Variants in SLAMF7 observed in about 807,000 individuals in gnomAD.
SLAMF7 encodes SLAM family member 7.
Under a neutral mutation model 34.1 loss-of-function variants are expected in SLAMF7, and 26 were observed. That is an observed-to-expected ratio of 0.76 (90% CI 0.56 to 1.06). SLAMF7 has a LOEUF of 1.06. SLAMF7 is among the 50% of genes least tolerant of loss of function. The probability of loss-of-function intolerance (pLI) is 0.00; values close to 1 mark genes in which losing one functional copy is unlikely to be tolerated. For synonymous variants in SLAMF7, 171 were observed against 156.4 expected, an observed-to-expected ratio of 1.09 and a Z score of -0.70; for missense variants, 399 against 402.5, an observed-to-expected ratio of 0.99 and a Z score of 0.07.
Position 160,744,112 on chromosome 1 carries a change from A to G in SLAMF7, c.56-4082A>G, listed in dbSNP as rs1663955125. Among the ~76,000 whole-genome samples the G allele has an allele frequency of 3.3e-5, 5 of 152,226 alleles. No homozygotes were observed. The East Asian group carries it at 9.6e-4, about 29-fold the overall frequency. On this transcript the variant is annotated intron_variant, in intron 1 of 6. Coordinates refer to ENST00000368043, the MANE Select transcript of SLAMF7 (RefSeq NM_021181.5). ...TCAGCTCCTAAACAATGAGAACTAA[A>G]TAAATTCTTGTTAAAAGAAGGAATG...
At chr1:160,748,630 G>A in intron 2 of SLAMF7, 116 bp downstream of exon 2, 2 of 941,166 alleles carry the variant, frequency 2.1e-6, no homozygotes, top group Non-Finnish European at 3.2e-6. Flanking sequence ...GTGGGAGAGG[G>A]GACTTCTGCA....
At chr1:160,739,524 C>T in intron 1 of SLAMF7, 168 bp downstream of exon 1, 1 of 588,900 alleles carries the variant, frequency 1.7e-6, no homozygotes, top group Non-Finnish European at 3.0e-6. Context: ...CAGGAAGAGA[C>T]TAGAGAGAGG....
At chr1:160,750,989 T>C (rs1571128193) in intron 4 of SLAMF7, 1 of 292,848 alleles carries the variant, frequency 3.4e-6, no homozygotes, top group South Asian at 3.6e-5. Flanking sequence ...GCTCCCACTG[T>C]CCATGTGGGT....
chr1:160,748,073 C>A, intron 1 of SLAMF7, 121 bp from the exon 2 acceptor site: 1 of 950,976 alleles, frequency 1.1e-6, no homozygotes, highest in Non-Finnish European at 1.6e-6. Context: ...AAAGGCTTTT[C>A]CAGGAGGTTG....
Position 160,749,830 on chromosome 1 carries a change from C to A in SLAMF7, c.386C>A (p.Ser129Ter). The stretch of plus-strand genomic sequence containing the variant: ...TTCCTTCCTCTCACAGAGCACCTGT[C>A]AAAGCCTAAAGTCACCATGGGTCTG... ...EYVLHVYEHL[S>*]KPKVTMGLQS... is the part of the protein sequence containing the mutation. Residue 129 changes from serine to a stop codon, truncating the protein, a stop_gained, in exon 3 of 7, where the codon TCA becomes TAA. Coordinates refer to ENST00000368043, the MANE Select transcript of SLAMF7 (RefSeq NM_021181.5). LOFTEE classifies it high-confidence loss of function. 6.3e-7 allele frequency: 1 copy of A among 1,590,490 alleles called. No homozygotes were observed. The highest frequency in any genetic ancestry group is 1.1e-5 in the South Asian group (1 of 88,620).
intron 1 of SLAMF7, among the ~76,000 whole-genome samples, chr1:160,747,903 G>GT (rs57058601): frequency 0.66 from 100,663 of 151,964 alleles, 33,777 homozygotes; most frequent in East Asian, 0.8. Flanking sequence ...ATTCTTAACT[G>GT]TTTTTCACCT....
Position 160,754,764 on chromosome 1 carries a change from A to G in SLAMF7, c.*1587A>G, listed in dbSNP as rs1331231002. 6.6e-6 allele frequency: 1 copy of G among 152,118 alleles called. No homozygotes were observed. The highest frequency in any genetic ancestry group is 1.5e-5 in the Non-Finnish European group (1 of 68,006). 9.4% of individuals were successfully genotyped at this position (152,118 alleles called of 1,614,324 possible). On this transcript the variant is annotated 3_prime_UTR_variant, in exon 7 of 7. Coordinates refer to ENST00000368043, the MANE Select transcript of SLAMF7 (RefSeq NM_021181.5). Reference sequence around the variant, plus strand: ...CCCTACTGCAAAACCCTATTGTAGTAAAAAAGTCTTCTTTACTATCTTAAT... The same window carrying G: ...CCCTACTGCAAAACCCTATTGTAGTGAAAAAGTCTTCTTTACTATCTTAAT...
rs1664798191 is a variant in SLAMF7 at position 160,753,500 on chromosome 1, A to G, written c.*323A>G. On this transcript the variant is annotated 3_prime_UTR_variant, in exon 7 of 7. Coordinates refer to ENST00000368043, the MANE Select transcript of SLAMF7 (RefSeq NM_021181.5). Reference sequence around the variant, plus strand: ...ATGCAAGGTCACACATATTAATGACAGCCTGTTGTATTAATGATGGCTCCA... The same window carrying G: ...ATGCAAGGTCACACATATTAATGACGGCCTGTTGTATTAATGATGGCTCCA... The G allele has an allele frequency of 3.5e-6, 1 of 285,454 alleles. No homozygotes were observed. Among genetic ancestry groups the G allele is most frequent in the Non-Finnish European group, 6.6e-6 (1 of 151,166 alleles). The allele number at this position is 285,454 out of a possible 1,614,324, so 17.7% of individuals were successfully genotyped here.
intron 1 of SLAMF7, among the ~76,000 whole-genome samples, chr1:160,744,538 C>T (rs899820413): frequency 5.9e-5 from 9 of 152,218 alleles, no homozygotes; most frequent in East Asian, 3.8e-4. Context: ...ATATCCCACA[C>T]GAGTCATGTC....
At chr1:160,744,178 C>T (rs1258629483) in intron 1 of SLAMF7, among the ~76,000 whole-genome samples, 2 of 152,174 alleles carry the variant, frequency 1.3e-5, no homozygotes, top group Non-Finnish European at 2.9e-5. Flanking sequence ...TATGGTAAAA[C>T]TCTATAGGGT....
intron 1 of SLAMF7, 45 bp downstream of exon 1, chr1:160,739,401 C>T: frequency 6.5e-7 from 1 of 1,549,140 alleles, no homozygotes; most frequent in Non-Finnish European, 8.8e-7. Context: ...CTACCCCATC[C>T]TGAATAGTTC....
At chr1:160,752,803 C>T (rs112219677) in intron 6 of SLAMF7, among the ~76,000 whole-genome samples, 64 of 152,074 alleles carry the variant, frequency 4.2e-4, no homozygotes, top group African/African-American at 1.5e-3. Context: ...CCAAACAGAT[C>T]CAAAAAGATA....
At position 160,748,626 on chromosome 1, in the gene SLAMF7, G is replaced by A; in HGVS notation, c.376+112G>A. 1.5e-5 allele frequency: 15 copies of A among 978,204 alleles called. No individual in the cohort carries two copies. In the South Asian group the frequency reaches 2.5e-4, roughly 16 times the overall value. The allele number at this position is 978,204 out of a possible 1,614,324, so 60.6% of individuals were successfully genotyped here. On this transcript the variant is annotated intron_variant, in intron 2 of 6. Transcript: ENST00000368043. Reference sequence around the variant, plus strand: ...ATAAACACTTGGCAAGAATGTGGGAGAGGGGACTTCTGCATGAATGAAATA... The same window carrying A: ...ATAAACACTTGGCAAGAATGTGGGAAAGGGGACTTCTGCATGAATGAAATA...
chr1:160,753,103 C>T lies in SLAMF7; in HGVS notation c.937-3C>T. ...ACTCTACTTTCTTTTTGTCTGTCTT[C>T]AGATGGAAAATCCCCACTCACTGCT... On this transcript the variant is annotated splice_polypyrimidine_tract_variant and splice_region_variant and intron_variant, in intron 6 of 6. Coordinates refer to ENST00000368043, the MANE Select transcript of SLAMF7 (RefSeq NM_021181.5). 1 of 1,613,612 alleles carries T rather than the reference C, an allele frequency of 6.2e-7. No individual in the cohort carries two copies. Among genetic ancestry groups the T allele is most frequent in the Middle Eastern group, 1.7e-4 (1 of 6,058 alleles).
At chr1:160,740,035 A>C (rs1473174270) in intron 1 of SLAMF7, among the ~76,000 whole-genome samples, 1 of 152,118 alleles carries the variant, frequency 6.6e-6, no homozygotes, top group Admixed American at 6.5e-5. Context: ...TTCTGTCATC[A>C]ATCTCATGGA....
chr1:160,746,209 A>C (rs1195066123), intron 1 of SLAMF7, among the ~76,000 whole-genome samples: 6 of 152,230 alleles, frequency 3.9e-5, no homozygotes. Context: ...TAGCAATAAC[A>C]ATAACAATGA....
At chr1:160,744,255 A>G (rs1441112066) in intron 1 of SLAMF7, among the ~76,000 whole-genome samples, 1 of 152,212 alleles carries the variant, frequency 6.6e-6, no homozygotes, top group Non-Finnish European at 1.5e-5. Flanking sequence ...CAACTGAAAA[A>G]AGAAGTGTCT....
chr1:160,751,483 C>G, intron 5 of SLAMF7, 35 bp downstream of exon 5: 1 of 1,535,246 alleles, frequency 6.5e-7, no homozygotes, highest in Non-Finnish European at 9.0e-7. Context: ...AGAACTGATC[C>G]TGTCTCTGAG....
At position 160,752,932 on chromosome 1, in the gene SLAMF7, C is replaced by A. The variant is rs76253865; in HGVS notation, c.937-174C>A. Among the ~76,000 whole-genome samples, 1,295 of 152,284 alleles carry A rather than the reference C, an allele frequency of 8.5e-3. 20 individuals are homozygous for A. Among genetic ancestry groups the A allele is most frequent in the South Asian group, 0.053 (254 of 4,826 alleles). ...GCAAGATAAATATGCGTTAAACTTACAGAATAGTTTCTCTAAGCTAGGGGT... is the reference window on the plus strand; with the variant it reads ...GCAAGATAAATATGCGTTAAACTTAAAGAATAGTTTCTCTAAGCTAGGGGT... On this transcript the variant is annotated intron_variant, in intron 6 of 6. Coordinates refer to ENST00000368043, the MANE Select transcript of SLAMF7 (RefSeq NM_021181.5).
Sources: gnomAD v4.1 joint callset for allele counts (sites outside exome capture counted in the v4.1 genomes callset) on GRCh38, gnomAD v4.1.1 for gene constraint, MANE v1.5 for transcripts, NCBI Gene and HGNC (gene_info 2026-07-23, HGNC 2026-07-21) for gene names.